CHRNA7: variants seen among roughly 807,000 people sequenced by gnomAD.
CHRNA7 encodes cholinergic receptor nicotinic alpha 7 subunit.
CHRNA7 carries 17 observed loss-of-function variants against 48.0 expected under a neutral mutation model. The ratio of observed to expected loss-of-function variants is 0.35; its 90% CI spans 0.24 to 0.53. The LOEUF is 0.53. Among genes scored for constraint, CHRNA7 ranks in the 20% least tolerant of loss-of-function variants. The pLI is 0.92. For synonymous variants in CHRNA7, 75 were observed against 242.3 expected, an observed-to-expected ratio of 0.31 and a Z score of 6.41; for missense variants, 155 against 577.7, an observed-to-expected ratio of 0.27 and a Z score of 7.50.
Position 32,122,678 on chromosome 15 carries a change from A to C in CHRNA7, c.350+10779A>C, listed in dbSNP as rs187462236. On this transcript the variant is annotated intron_variant, in intron 4 of 9. Coordinates refer to ENST00000306901, the MANE Select transcript of CHRNA7 (RefSeq NM_000746.6). ...AAGGGTCTAACTTTACTTTTCTTTA[A>C]GGGATAGAAAATAATTCTAACAGCA... Among the ~76,000 whole-genome samples, 340 of 152,188 alleles carry C rather than the reference A, an allele frequency of 2.2e-3. 3 individuals carry two copies. The highest frequency in any genetic ancestry group is 6.6e-4 in the Non-Finnish European group (45 of 67,994).
At chr15:32,070,732 G>A (rs996422228) in intron 2 of CHRNA7, among the ~76,000 whole-genome samples, 2 of 124,616 alleles carry the variant, frequency 1.6e-5, no homozygotes, top group Non-Finnish European at 3.2e-5. Flanking sequence ...TGTCGCCCAG[G>A]CTGGAGTGCA....
intron 4 of CHRNA7, among the ~76,000 whole-genome samples, chr15:32,121,805 G>C (rs1292086112): frequency 1.3e-5 from 2 of 152,188 alleles, no homozygotes; most frequent in African/African-American, 2.4e-5. Context: ...TTAGCGGGGA[G>C]GGGGAGAGAT....
intron 3 of CHRNA7, chr15:32,103,122 G>T (rs1448368168): frequency 6.6e-6 from 1 of 152,172 alleles, no homozygotes; most frequent in Non-Finnish European, 1.5e-5. Flanking sequence ...AAGTGAAAAT[G>T]GAGGCAAAGG....
intron 4 of CHRNA7, among the ~76,000 whole-genome samples, chr15:32,114,721 A>G (rs370156076): frequency 2.1e-4 from 32 of 152,374 alleles, no homozygotes; most frequent in African/African-American, 7.2e-4. Flanking sequence ...ACACTTATCT[A>G]TTGCTACAGA....
At chr15:32,137,047 GAAAA>G (rs1174484623) in intron 4 of CHRNA7, among the ~76,000 whole-genome samples, 2 of 123,534 alleles carry the variant, frequency 1.6e-5, no homozygotes, top group Non-Finnish European at 3.2e-5. Context: ...AAAAAAAAAA[GAAAA>G]AAAAAAGAAA....
At chr15:32,030,786 G>C (rs1901784787) in intron 1 of CHRNA7, 112 bp from the exon 2 acceptor site, 1 of 1,506,902 alleles carries the variant, frequency 6.6e-7, no homozygotes, top group East Asian at 2.5e-5. Flanking sequence ...CGCTGCGGGG[G>C]CTGCTTGTCT....
At chr15:32,166,201 C>G (rs1231631890) in intron 9 of CHRNA7, 2 of 152,188 alleles carry the variant, frequency 1.3e-5, no homozygotes, top group African/African-American at 4.8e-5. Context: ...CTCTTTGAAC[C>G]TCAGTTTGTT....
chr15:32,044,850 G>T (rs1204928137), intron 2 of CHRNA7, among the ~76,000 whole-genome samples: 1 of 152,116 alleles, frequency 6.6e-6, no homozygotes, highest in Non-Finnish European at 1.5e-5. Context: ...GAATTATCTG[G>T]CCCCCAATTT....
At chr15:32,036,972 G>C (rs960862713) in intron 2 of CHRNA7, among the ~76,000 whole-genome samples, 5 of 151,948 alleles carry the variant, frequency 3.3e-5, no homozygotes, top group African/African-American at 4.8e-5. Flanking sequence ...TTTATGGATT[G>C]TGCCTCTGGT....
chr15:32,050,544 C>T (rs1053176556), intron 2 of CHRNA7, among the ~76,000 whole-genome samples: 33 of 152,234 alleles, frequency 2.2e-4, no homozygotes, highest in African/African-American at 7.2e-4. Flanking sequence ...GTTATACATT[C>T]GTCTAAATTT....
At chr15:32,112,433 A>T (rs2050778325) in intron 4 of CHRNA7, 1 of 444,000 alleles carries the variant, frequency 2.3e-6, no homozygotes, top group Admixed American at 2.4e-5. Context: ...CCTGATTTCT[A>T]ATAGTCTTTC....
At chr15:32,066,379 T>A (rs1048120392) in intron 2 of CHRNA7, among the ~76,000 whole-genome samples, 1 of 152,138 alleles carries the variant, frequency 6.6e-6, no homozygotes, top group Non-Finnish European at 1.5e-5. Context: ...CCTCCTGGGT[T>A]CAAGCCATTC....
At chr15:32,092,387 A>T (rs1183416765) in intron 2 of CHRNA7, among the ~76,000 whole-genome samples, 1 of 152,104 alleles carries the variant, frequency 6.6e-6, no homozygotes, top group Non-Finnish European at 1.5e-5. Context: ...TGCCCTTCTT[A>T]TTTGGGCTTT....
At chr15:32,076,930 G>A (rs2050144406) in intron 2 of CHRNA7, among the ~76,000 whole-genome samples, 1 of 152,022 alleles carries the variant, frequency 6.6e-6, no homozygotes, top group African/African-American at 2.4e-5. Context: ...GCTCCACCTA[G>A]TCATCCCTTG....
chr15:32,123,614 A>G (rs977515003), intron 4 of CHRNA7, among the ~76,000 whole-genome samples: 7 of 152,150 alleles, frequency 4.6e-5, no homozygotes, highest in Non-Finnish European at 8.8e-5. Context: ...TCTCCTTTCT[A>G]GGGGAGTCTT....
chr15:32,062,858 C>T (rs545164313), intron 2 of CHRNA7, among the ~76,000 whole-genome samples: 1 of 152,108 alleles, frequency 6.6e-6, no homozygotes, highest in Non-Finnish European at 1.5e-5. Context: ...TAGGCGATTT[C>T]GTTCTTGTAC....
intron 2 of CHRNA7, among the ~76,000 whole-genome samples, chr15:32,067,763 A>C (rs1289827927): frequency 2.0e-5 from 3 of 152,224 alleles, no homozygotes; most frequent in Admixed American, 2.0e-4. Flanking sequence ...AGAGGAGGAG[A>C]AAGCAAAGTT....
chr15:32,033,411 C>T (rs2141158685), intron 2 of CHRNA7, among the ~76,000 whole-genome samples: 1 of 152,354 alleles, frequency 6.6e-6, no homozygotes, highest in South Asian at 2.1e-4. Flanking sequence ...TGCCCAAGGT[C>T]ACTCTGTGAT....
chr15:32,112,222 T>G (rs1450080963), intron 4 of CHRNA7: 1 of 494,368 alleles, frequency 2.0e-6, no homozygotes, highest in Non-Finnish European at 4.0e-6. Context: ...AGTACCTTTG[T>G]TCTCTGAATG....
Sources: allele counts gnomAD v4.1 joint callset (sites outside exome capture counted in the v4.1 genomes callset), GRCh38; gene constraint gnomAD v4.1.1; transcripts MANE v1.5; gene names NCBI Gene and HGNC (gene_info 2026-07-23, HGNC 2026-07-21).